TRAPPC9: variants seen among roughly 807,000 people sequenced by gnomAD.
TRAPPC9 encodes IKK2 binding protein.
In TRAPPC9, 83 loss-of-function variants were observed where a neutral mutation model predicts 124.0. That is an observed-to-expected ratio of 0.67 (90% confidence interval 0.56 to 0.80). The LOEUF is 0.80. Ranked by LOEUF, TRAPPC9 falls within the 30% of genes least tolerant of loss-of-function variation. The pLI, the probability that TRAPPC9 is intolerant of heterozygous loss-of-function variation, is 0.00. For synonymous variants in TRAPPC9, 638 were observed against 617.5 expected, an observed-to-expected ratio of 1.03 and a Z score of -0.49; for missense variants, 1,302 against 1,508.3, an observed-to-expected ratio of 0.86 and a Z score of 2.27.
chr8:139,820,553 T>G (rs1178103446), intron 21 of TRAPPC9, among the ~76,000 whole-genome samples: 1 of 152,230 alleles, frequency 6.6e-6, no homozygotes, highest in Non-Finnish European at 1.5e-5. Flanking sequence ...CCAAATAGAA[T>G]GCTAACTTTA....
Position 140,446,293 on chromosome 8 carries a change from C to CAAAAAAA in TRAPPC9, c.584+4490_584+4496dup, listed in dbSNP as rs59393001. ...TGGGCGAAAGAGTAAGACTCTGTCTCAAAAAAAAAAAAAAAAAAAGCAGAC... is the reference window on the plus strand; with the variant it reads ...TGGGCGAAAGAGTAAGACTCTGTCTCAAAAAAAAAAAAAAAAAAAAAAAAAAGCAGAC... On this transcript the variant is annotated intron_variant, in intron 2 of 22. Transcript: ENST00000438773. Among the ~76,000 whole-genome samples, 52 of 110,282 alleles carry CAAAAAAA rather than the reference C, an allele frequency of 4.7e-4. 10 individuals carry two copies. Among genetic ancestry groups the CAAAAAAA allele is most frequent in the Non-Finnish European group, 4.4e-4 (24 of 54,850 alleles). 72.3% of individuals were successfully genotyped at this position (110,282 alleles called of 152,430 possible).
chr8:140,325,747 A>G (rs1044808821), intron 9 of TRAPPC9, among the ~76,000 whole-genome samples: 1 of 152,206 alleles, frequency 6.6e-6, no homozygotes, highest in Non-Finnish European at 1.5e-5. Flanking sequence ...ATACTTCCCA[A>G]CTTGTGTTAT....
At chr8:139,827,363 C>CA (rs1441706836) in intron 21 of TRAPPC9, among the ~76,000 whole-genome samples, 1 of 152,226 alleles carries the variant, frequency 6.6e-6, no homozygotes, top group Non-Finnish European at 1.5e-5. Context: ...AAGGCTGAGC[C>CA]ATGGCTGATC....
chr8:139,859,174 G>A (rs1036499062), intron 21 of TRAPPC9, among the ~76,000 whole-genome samples: 6 of 151,846 alleles, frequency 4.0e-5, no homozygotes, highest in East Asian at 1.9e-4. Context: ...AGGAGTCACC[G>A]CTGTGCACCG....
At chr8:140,400,671 T>C (rs1206126940) in intron 6 of TRAPPC9, among the ~76,000 whole-genome samples, 1 of 152,168 alleles carries the variant, frequency 6.6e-6, no homozygotes, top group Non-Finnish European at 1.5e-5. Context: ...GGGGAGTATC[T>C]CTTAAGCTTC....
At chr8:139,853,056 A>T (rs1012601862) in intron 21 of TRAPPC9, among the ~76,000 whole-genome samples, 8 of 152,158 alleles carry the variant, frequency 5.3e-5, no homozygotes, top group African/African-American at 1.9e-4. Context: ...CTTCCCAAGA[A>T]GTGTTCCGTG....
At chr8:140,447,466 G>C (rs1401736468) in intron 2 of TRAPPC9, among the ~76,000 whole-genome samples, 1 of 151,726 alleles carries the variant, frequency 6.6e-6, no homozygotes, top group Non-Finnish European at 1.5e-5. Context: ...TCACAGGGCA[G>C]TATGACAGAA....
At chr8:139,901,308 G>A (rs1199037653) in intron 20 of TRAPPC9, among the ~76,000 whole-genome samples, 3 of 152,220 alleles carry the variant, frequency 2.0e-5, no homozygotes. Context: ...TTAGCAAATT[G>A]TCATAAATAG....
chr8:139,935,168 T>C (rs967487960), intron 19 of TRAPPC9, among the ~76,000 whole-genome samples: 1 of 152,204 alleles, frequency 6.6e-6, no homozygotes, highest in Admixed American at 6.5e-5. Flanking sequence ...AGCCTACTGA[T>C]GTCTGCGTGC....
At chr8:140,131,368 G>A (rs941221205) in intron 17 of TRAPPC9, among the ~76,000 whole-genome samples, 2 of 152,174 alleles carry the variant, frequency 1.3e-5, no homozygotes, top group Non-Finnish European at 2.9e-5. Flanking sequence ...GCTAAAAAGT[G>A]CTTTGAATTT....
Position 140,311,358 on chromosome 8 carries a change from G to A in TRAPPC9, c.1512C>T (p.Ala504=). 3 of 1,613,810 alleles carry A rather than the reference G, an allele frequency of 1.9e-6. No homozygotes were observed. The highest frequency in any genetic ancestry group is 2.5e-6 in the Non-Finnish European group (3 of 1,180,002). The part of the protein sequence containing the change: ...FLSDQEKKDV[A]QSLENYTSKC... Reference sequence around the variant, plus strand: ...TGGACGTATAGTTCTCTAGGCTTTGGGCCACATCTTTCTTTTCTGAAGAGA... The same window carrying A: ...TGGACGTATAGTTCTCTAGGCTTTGAGCCACATCTTTCTTTTCTGAAGAGA... Residue 504 remains alanine, a synonymous_variant, in exon 10 of 23, where the codon GCC becomes GCT. Transcript: ENST00000438773.
chr8:140,129,838 G>C (rs2061172217), intron 17 of TRAPPC9, among the ~76,000 whole-genome samples: 1 of 152,206 alleles, frequency 6.6e-6, no homozygotes, highest in Non-Finnish European at 1.5e-5. Flanking sequence ...TAGACGAATA[G>C]AAATGTAAAT....
intron 17 of TRAPPC9, among the ~76,000 whole-genome samples, chr8:140,181,881 T>C (rs1256961272): frequency 1.3e-5 from 2 of 152,120 alleles, no homozygotes; most frequent in African/African-American, 4.8e-5. Context: ...GAGAAGTATC[T>C]CTATGGAGCA....
Position 140,443,239 on chromosome 8 carries a change from T to C in TRAPPC9, c.585-4042A>G, listed in dbSNP as rs575318586. On this transcript the variant is annotated intron_variant, in intron 2 of 22. Transcript: ENST00000438773. The stretch of plus-strand genomic sequence containing the variant: ...TCACAAAGTCAGGAGATCGAGACCA[T>C]CCTGGCTAACATGATGAAACCCCGT... 4.0e-4 allele frequency among the ~76,000 whole-genome samples: 56 copies of C among 139,502 alleles called. 1 individual carries two copies. The highest frequency in any genetic ancestry group is 2.2e-3 in the Admixed American group (31 of 13,796). 91.5% of individuals were successfully genotyped at this position (139,502 alleles called of 152,430 possible).
intron 19 of TRAPPC9, among the ~76,000 whole-genome samples, chr8:139,972,899 A>C (rs1319076067): frequency 1.3e-5 from 2 of 152,212 alleles, no homozygotes; most frequent in Admixed American, 1.3e-4. Context: ...ACTCCGTCCC[A>C]GACCCGGCCT....
intron 17 of TRAPPC9, among the ~76,000 whole-genome samples, chr8:140,105,366 CT>C (rs1396321460): frequency 1.3e-5 from 2 of 152,220 alleles, no homozygotes; most frequent in African/African-American, 2.4e-5. Context: ...CTGTCTCCCC[CT>C]GGTTATCCAG....
At chr8:140,385,539 C>G (rs1376167630) in intron 7 of TRAPPC9, among the ~76,000 whole-genome samples, 2 of 152,158 alleles carry the variant, frequency 1.3e-5, no homozygotes, top group Admixed American at 6.5e-5. Flanking sequence ...CTATAAACAC[C>G]TCTATGCAAA....
intron 21 of TRAPPC9, among the ~76,000 whole-genome samples, chr8:139,883,689 A>C (rs149882038): frequency 6.6e-6 from 1 of 152,372 alleles, no homozygotes; most frequent in East Asian, 1.9e-4. Flanking sequence ...TAAGGACTAA[A>C]GCTTTTCTTC....
intron 21 of TRAPPC9, among the ~76,000 whole-genome samples, chr8:139,784,322 C>T (rs1010866881): frequency 2.0e-5 from 3 of 152,064 alleles, no homozygotes; most frequent in Non-Finnish European, 4.4e-5. Context: ...GCCTATAATC[C>T]CAGAACTTTG....
Sources: gnomAD v4.1 joint callset for allele counts (sites outside exome capture counted in the v4.1 genomes callset) on GRCh38, gnomAD v4.1.1 for gene constraint, MANE v1.5 for transcripts, NCBI Gene and HGNC (gene_info 2026-07-23, HGNC 2026-07-21) for gene names.